The following DGKB variants were observed in gnomAD, a reference collection of about 807,000 sequenced individuals.
DGKB encodes the protein diacylglycerol kinase beta.
In DGKB, 67 loss-of-function variants were observed where a neutral mutation model predicts 114.3. That is an observed-to-expected ratio of 0.59 (90% CI 0.48 to 0.72). DGKB has a LOEUF of 0.72. Ranked by LOEUF, DGKB falls within the 30% of genes least tolerant of loss-of-function variation. DGKB has a pLI of 0.00. For missense variants in DGKB, 907 were observed against 975.2 expected, an observed-to-expected ratio of 0.93 and a Z score of 0.93; for synonymous variants, 398 against 323.1, an observed-to-expected ratio of 1.23 and a Z score of -2.49.
At chr7:14,341,746 C>T (rs999036875) in intron 22 of DGKB, among the ~76,000 whole-genome samples, 9 of 151,794 alleles carry the variant, frequency 5.9e-5, no homozygotes, top group Non-Finnish European at 1.3e-4. Flanking sequence ...AGTCCTGGGT[C>T]ACACCGTACA....
chr7:14,567,414 A>G (rs1302922766), intron 20 of DGKB, among the ~76,000 whole-genome samples: 2 of 47,312 alleles, frequency 4.2e-5, no homozygotes, highest in Non-Finnish European at 6.9e-5. Context: ...TATATATTAT[A>G]TATTTATATA....
chr7:14,891,965 A>T (rs192056807), intron 1 of DGKB, among the ~76,000 whole-genome samples: 1 of 151,544 alleles, frequency 6.6e-6, no homozygotes, highest in Admixed American at 6.6e-5. Flanking sequence ...TTGAAAATGC[A>T]AAGCCATTGA....
intron 15 of DGKB, among the ~76,000 whole-genome samples, chr7:14,616,589 G>C (rs1806573813): frequency 6.6e-6 from 1 of 151,712 alleles, no homozygotes; most frequent in Non-Finnish European, 1.5e-5. Flanking sequence ...AATTCTGTCA[G>C]CTGAAAACTA....
intron 1 of DGKB, among the ~76,000 whole-genome samples, chr7:14,876,149 C>G (rs1587099780): frequency 6.6e-6 from 1 of 152,128 alleles, no homozygotes; most frequent in African/African-American, 2.4e-5. Flanking sequence ...CACCAGTGTG[C>G]CATGTCTGTT....
intron 20 of DGKB, among the ~76,000 whole-genome samples, chr7:14,483,449 G>T (rs753358285): frequency 6.6e-6 from 1 of 152,152 alleles, no homozygotes; most frequent in Admixed American, 6.5e-5. Flanking sequence ...AAGATATTTA[G>T]ATCAGATTTT....
chr7:14,926,666 A>G (rs1312458393), intron 1 of DGKB, among the ~76,000 whole-genome samples: 1 of 151,220 alleles, frequency 6.6e-6, no homozygotes, highest in Non-Finnish European at 1.5e-5. Context: ...TATTCTCAAC[A>G]ATTATTTTTA....
At chr7:14,310,459 T>G (rs906500442) in intron 23 of DGKB, among the ~76,000 whole-genome samples, 9 of 152,004 alleles carry the variant, frequency 5.9e-5, no homozygotes, top group Non-Finnish European at 1.0e-4. Context: ...TAGAAAACAG[T>G]AGAATAATAA....
chr7:14,587,515 G>A (rs1343282607), intron 17 of DGKB, among the ~76,000 whole-genome samples: 1 of 152,156 alleles, frequency 6.6e-6, no homozygotes, highest in Non-Finnish European at 1.5e-5. Flanking sequence ...AGCAGGATTT[G>A]AGAAGACTGA....
intron 14 of DGKB, among the ~76,000 whole-genome samples, chr7:14,623,801 T>C (rs1185517504): frequency 2.0e-5 from 3 of 152,270 alleles, no homozygotes; most frequent in Admixed American, 6.5e-5. Context: ...ATTTTATTCA[T>C]AGATAGTTAA....
chr7:14,889,014 TA>T (rs1196380804), intron 1 of DGKB, among the ~76,000 whole-genome samples: 4 of 151,482 alleles, frequency 2.6e-5, no homozygotes, highest in African/African-American at 9.7e-5. Flanking sequence ...ATTACATTAT[TA>T]AAAAAGCAGC....
At chr7:14,889,588 G>A (rs1310009947) in intron 1 of DGKB, among the ~76,000 whole-genome samples, 1 of 151,488 alleles carries the variant, frequency 6.6e-6, no homozygotes, top group East Asian at 2.0e-4. Flanking sequence ...TGTGTATCCA[G>A]CTAGCAAAGA....
chr7:14,298,121 C>T (rs1397468770), intron 23 of DGKB, among the ~76,000 whole-genome samples: 1 of 152,116 alleles, frequency 6.6e-6, no homozygotes, highest in East Asian at 1.9e-4. Context: ...GTGAAAATGG[C>T]CATACTGCCC....
intron 2 of DGKB, among the ~76,000 whole-genome samples, chr7:14,785,829 A>AT (rs1839810543): frequency 6.6e-6 from 1 of 152,232 alleles, no homozygotes; most frequent in African/African-American, 2.4e-5. Flanking sequence ...AATATAGACT[A>AT]CATCAAATTT....
At chr7:14,769,115 AAGAAAGAAAGAGAG>A (rs1562487445) in intron 2 of DGKB, among the ~76,000 whole-genome samples, 2 of 124,968 alleles carry the variant, frequency 1.6e-5, no homozygotes, top group African/African-American at 7.2e-5. Flanking sequence ...GAAAGAAAGA[AAGAAAGAAAGAGAG>A]AGAGAGAAAG....
intron 20 of DGKB, among the ~76,000 whole-genome samples, chr7:14,495,384 A>T (rs1563321663): frequency 6.6e-6 from 1 of 151,836 alleles, no homozygotes; most frequent in Non-Finnish European, 1.5e-5. Context: ...TAGCCCCTGC[A>T]CAACAATTTC....
chr7:14,817,330 C>T (rs972721084), intron 2 of DGKB, among the ~76,000 whole-genome samples: 1 of 152,014 alleles, frequency 6.6e-6, no homozygotes, highest in East Asian at 1.9e-4. Context: ...TATAGTTACA[C>T]CAGAATAAGA....
intron 2 of DGKB, among the ~76,000 whole-genome samples, chr7:14,803,901 A>T (rs1256790259): frequency 6.6e-6 from 1 of 152,146 alleles, no homozygotes; most frequent in Non-Finnish European, 1.5e-5. Context: ...AAAGATACTT[A>T]GCATGCTTTA....
At chr7:14,413,768 T>G (rs933663966) in intron 21 of DGKB, among the ~76,000 whole-genome samples, 1 of 152,138 alleles carries the variant, frequency 6.6e-6, no homozygotes, top group African/African-American at 2.4e-5. Flanking sequence ...GAGTGATGAA[T>G]GTGTAGACAG....
chr7:14,576,122 G>C (rs909789333), intron 19 of DGKB, among the ~76,000 whole-genome samples: 1 of 152,100 alleles, frequency 6.6e-6, no homozygotes, highest in Non-Finnish European at 1.5e-5. Context: ...TATTTCAGAA[G>C]AGATTGGGTC....
Sources: gnomAD v4.1 joint callset for allele counts (sites outside exome capture counted in the v4.1 genomes callset) on GRCh38, gnomAD v4.1.1 for gene constraint, MANE v1.5 for transcripts, NCBI Gene and HGNC (gene_info 2026-07-23, HGNC 2026-07-21) for gene names.